ASPG: variants seen among roughly 807,000 people sequenced by gnomAD.
ASPG encodes 60 kDa lysophospholipase.
In ASPG, 53 loss-of-function variants were observed where a neutral mutation model predicts 63.2. The observed-to-expected ratio is 0.84, with a 90% CI of 0.67 to 1.05. ASPG has a LOEUF of 1.05. Among genes scored for constraint, ASPG ranks in the 50% least tolerant of loss-of-function variants. The pLI is 0.00. For synonymous variants in ASPG, 370 were observed against 355.0 expected, an observed-to-expected ratio of 1.04 and a Z score of -0.48; for missense variants, 741 against 794.4, an observed-to-expected ratio of 0.93 and a Z score of 0.81.
chr14:104,111,981 G>C lies in ASPG; in HGVS notation c.1682G>C (p.Gly561Ala), dbSNP rs572262550. 20 of 1,555,778 alleles carry C rather than the reference G, an allele frequency of 1.3e-5. No homozygotes were observed. The South Asian group carries it at 2.3e-4, about 18-fold the overall frequency. ...CTACAGAGCCTGGAGGGTGCGGTTGGTGCCCAGGCCCCATGCCCAGTAAGT... is the reference window on the plus strand; with the variant it reads ...CTACAGAGCCTGGAGGGTGCGGTTGCTGCCCAGGCCCCATGCCCAGTAAGT... ...AFLQSLEGAV[G>A]AQAPCPEVLP... The change falls in exon 15 of 16, where the codon GGT (glycine) becomes GCT (alanine). Residue 561 changes from glycine to alanine, a missense_variant. By Grantham distance (60) the Gly-to-Ala change is moderately conservative. Transcript: ENST00000551177.
At position 104,093,583 on chromosome 14, in the gene ASPG, GCC is replaced by G. The variant is rs1454583716; in HGVS notation, c.285_286del (p.Leu96CysfsTer59). On this transcript the variant is annotated frameshift_variant, in exon 3 of 16. Transcript: ENST00000551177. LOFTEE classifies it high-confidence loss of function. ...GACATGACCATCGCTGAGTGGGTTT[GCC>G]TTGCCCAGACCATCAAGGTAGTGGG... The G allele has an allele frequency of 6.2e-7, 1 of 1,609,338 alleles. No individual in the cohort carries two copies. The highest frequency in any genetic ancestry group is 8.5e-7 in the Non-Finnish European group (1 of 1,177,924).
rs77835090 is a variant in ASPG at position 104,109,888 on chromosome 14, G to A, written c.1520+573G>A. 2.6e-4 allele frequency: 242 copies of A among 937,080 alleles called. 3 individuals carry two copies. The Admixed American group carries it at 6.7e-3, about 26-fold the overall frequency. The allele number at this position is 937,080 out of a possible 1,614,324, so 58.0% of individuals were successfully genotyped here. On this transcript the variant is annotated intron_variant, in intron 13 of 15. Transcript: ENST00000551177. The surrounding 1 kb of genome is among the most constrained non-coding windows in gnomAD (Gnocchi z 4.8). ...TCTCATGCTGCCGAGTGACCACCGA[G>A]GCAGGCTCAGGCCTTCTGACATCAT...
rs2037322282 is a variant in ASPG at position 104,110,074 on chromosome 14, G to A, written c.1520+759G>A. 1.0e-6 allele frequency: 1 copy of A among 985,262 alleles called. No homozygotes were observed. The highest frequency in any genetic ancestry group is 1.2e-6 in the Non-Finnish European group (1 of 829,886). 61.0% of individuals were successfully genotyped at this position (985,262 alleles called of 1,614,324 possible). A position where few individuals can be genotyped will look rare whatever the true frequency, so the allele number is the denominator to read the frequency against. ...GCCTGGTGACTTGGCGCTGCCTCCT[G>A]TGCCCAGCCTGGGCTGCCCGAGGCC... On this transcript the variant is annotated intron_variant, in intron 13 of 15. Coordinates refer to ENST00000551177, the MANE Select transcript of ASPG (RefSeq NM_001080464.3). The surrounding 1 kb of genome is among the most constrained non-coding windows in gnomAD (Gnocchi z 4.7).
intron 6 of ASPG, among the ~76,000 whole-genome samples, chr14:104,099,760 C>T (rs1338057844): frequency 2.0e-5 from 3 of 152,336 alleles, no homozygotes; most frequent in Non-Finnish European, 2.9e-5. Flanking sequence ...CCTGCCCTGG[C>T]CCCCTGCTGT....
chr14:104,114,680 C>T lies in ASPG; in HGVS notation c.*2136C>T, dbSNP rs1028863576. On this transcript the variant is annotated 3_prime_UTR_variant, in exon 16 of 16. Coordinates refer to ENST00000551177, the MANE Select transcript of ASPG (RefSeq NM_001080464.3). ...CTGGGCAGTGACCTGGCCCCAAGGC[C>T]TCTGGCTCTCTGGCGTGCAGTGGGA... 1.3e-5 allele frequency: 2 copies of T among 152,392 alleles called. No homozygotes were observed. The highest frequency in any genetic ancestry group is 4.8e-5 in the African/African-American group (2 of 41,450). The allele number at this position is 152,392 out of a possible 1,614,324, so 9.4% of individuals were successfully genotyped here.
At chr14:104,099,638 C>T (rs1035936867) in intron 6 of ASPG, among the ~76,000 whole-genome samples, 2 of 152,232 alleles carry the variant, frequency 1.3e-5, no homozygotes, top group African/African-American at 2.4e-5. Flanking sequence ...TGGACTCTAC[C>T]CGGCCCCTGC....
At chr14:104,107,016 T>C (rs1459798618) in intron 11 of ASPG, 122 bp downstream of exon 11, 1 of 1,305,032 alleles carries the variant, frequency 7.7e-7, no homozygotes, top group Non-Finnish European at 1.0e-6. Flanking sequence ...TCAGCCAGAC[T>C]GGGCAGCAGG....
At position 104,104,637 on chromosome 14, in the gene ASPG, G is replaced by T. The variant is rs1221680870; in HGVS notation, c.952G>T (p.Gly318Cys). 6.2e-7 allele frequency: 1 copy of T among 1,609,518 alleles called. No homozygotes were observed. Among genetic ancestry groups the T allele is most frequent in the Non-Finnish European group, 8.5e-7 (1 of 1,177,916 alleles). Reference sequence around the variant, plus strand: ...CTCCTCACAGGCCATGGCGGGAGCCGGCGTCATCTCAGGCTTCGACATGAC... The same window carrying T: ...CTCCTCACAGGCCATGGCGGGAGCCTGCGTCATCTCAGGCTTCGACATGAC... ...YAAGMAMAGA[G>C]VISGFDMTSE... The change falls in exon 9 of 16, where the codon GGC (glycine) becomes TGC (cysteine). Residue 318 changes from glycine to cysteine, a missense_variant. By Grantham distance (159) the Gly-to-Cys change is radical. Transcript: ENST00000551177.
At chr14:104,106,983 C>A in intron 11 of ASPG, 89 bp downstream of exon 11, 1 of 1,380,220 alleles carries the variant, frequency 7.2e-7, no homozygotes, top group Non-Finnish European at 9.9e-7. Flanking sequence ...TTTCATCCAC[C>A]CACTGACCAC....
Position 104,112,843 on chromosome 14 carries a change from G to T in ASPG, c.*299G>T. 5 of 503,260 alleles carry T rather than the reference G, an allele frequency of 9.9e-6. No individual in the cohort carries two copies. Among genetic ancestry groups the T allele is most frequent in the Non-Finnish European group, 1.4e-5 (4 of 281,556 alleles). 31.2% of individuals were successfully genotyped at this position (503,260 alleles called of 1,614,324 possible). Reference sequence around the variant, plus strand: ...CCCATCCTTCCGGGGGCAGCTGTGCGTGTGAGCTGGGCAGGGTGGGGTGCA... The same window carrying T: ...CCCATCCTTCCGGGGGCAGCTGTGCTTGTGAGCTGGGCAGGGTGGGGTGCA... On this transcript the variant is annotated 3_prime_UTR_variant, in exon 16 of 16. Transcript: ENST00000551177.
chr14:104,090,990 C>G (rs1309371245), intron 1 of ASPG, among the ~76,000 whole-genome samples: 1 of 152,178 alleles, frequency 6.6e-6, no homozygotes, highest in East Asian at 1.9e-4. Flanking sequence ...CTCAACCTCC[C>G]AAGTAGCTGG....
chr14:104,112,560 C>T lies in ASPG; in HGVS notation c.*16C>T. 6.2e-7 allele frequency: 1 copy of T among 1,606,998 alleles called. No individual in the cohort carries two copies. On this transcript the variant is annotated 3_prime_UTR_variant, in exon 16 of 16. Transcript: ENST00000551177. ...TGGTGTCTAACCTGAAGGCGTCCTG[C>T]TGCAGTATAAGCCATTCCTTCCTCC...
intron 3 of ASPG, among the ~76,000 whole-genome samples, 156 bp from the exon 4 acceptor site, chr14:104,095,375 G>A (rs72714947): frequency 0.11 from 16,628 of 152,100 alleles, 1,048 homozygotes; most frequent in African/African-American, 0.17. Context: ...TCCACGCCAG[G>A]GGCTAATCTT....
Position 104,112,761 on chromosome 14 carries a change from G to C in ASPG, c.*217G>C. On this transcript the variant is annotated 3_prime_UTR_variant, in exon 16 of 16. Coordinates refer to ENST00000551177, the MANE Select transcript of ASPG (RefSeq NM_001080464.3). ...AGGCTCTGTCTGGGTCCGGGACTGT[G>C]GATGTGTGTGGGGAGTCAGGCCCAG... 5 of 1,090,652 alleles carry C rather than the reference G, an allele frequency of 4.6e-6. No individual in the cohort carries two copies. The highest frequency in any genetic ancestry group is 6.4e-6 in the Non-Finnish European group (5 of 775,938). 67.6% of individuals were successfully genotyped at this position (1,090,652 alleles called of 1,614,324 possible).
rs1403239495 is a variant in ASPG at position 104,103,683 on chromosome 14, C to A, written c.753+8C>A. ...GGGATCCCTGCCGCCCTGGTAGGGACCGCCCCGGCCATCCTGCCCCTGCAG... is the reference window on the plus strand; with the variant it reads ...GGGATCCCTGCCGCCCTGGTAGGGAACGCCCCGGCCATCCTGCCCCTGCAG... On this transcript the variant is annotated splice_region_variant and intron_variant, in intron 7 of 15. Coordinates refer to ENST00000551177, the MANE Select transcript of ASPG (RefSeq NM_001080464.3). 1.9e-6 allele frequency: 3 copies of A among 1,544,528 alleles called. No individual in the cohort carries two copies.
intron 1 of ASPG, among the ~76,000 whole-genome samples, chr14:104,089,477 C>T (rs2036303969): frequency 6.6e-6 from 1 of 151,188 alleles, no homozygotes. Context: ...CGAGATCTCG[C>T]CACTGCACTC....
intron 10 of ASPG, 124 bp downstream of exon 10, chr14:104,105,574 AC>A (rs1011744886): frequency 7.5e-7 from 1 of 1,331,068 alleles, no homozygotes; most frequent in South Asian, 1.5e-5. Context: ...AGTTAGGCAC[AC>A]CCGGGTTCTG....
At chr14:104,112,143 C>G in intron 15 of ASPG, 143 bp downstream of exon 15, 1 of 759,138 alleles carries the variant, frequency 1.3e-6, no homozygotes, top group Non-Finnish European at 2.1e-6. Context: ...GTCTGCAGAG[C>G]CCCTCCTGGG....
chr14:104,092,560 C>A, intron 1 of ASPG, 73 bp from the exon 2 acceptor site: 1 of 1,232,752 alleles, frequency 8.1e-7, no homozygotes, highest in Non-Finnish European at 1.1e-6. Flanking sequence ...TCTGGTCCTG[C>A]CCCTCAGTGA....
Sources: gnomAD v4.1 joint callset for allele counts (sites outside exome capture counted in the v4.1 genomes callset) on GRCh38, gnomAD v4.1.1 for gene constraint, Gnocchi (gnomAD v3.1) non-coding constraint, MANE v1.5 for transcripts, NCBI Gene and HGNC (gene_info 2026-07-23, HGNC 2026-07-21) for gene names.